Variants in GABRB1 observed in about 807,000 individuals in gnomAD.
GABRB1 encodes gamma-aminobutyric acid type A receptor subunit beta1.
In GABRB1, 17 loss-of-function variants were observed where a neutral mutation model predicts 51.6. That is an observed-to-expected ratio of 0.33 (90% CI 0.23 to 0.49). The LOEUF (loss-of-function observed/expected upper bound fraction) is 0.49. Ranked by LOEUF, GABRB1 falls within the 20% of genes least tolerant of loss-of-function variation. GABRB1 has a pLI of 0.99. For missense variants in GABRB1, 410 were observed against 600.6 expected (o/e 0.68, Z 3.32); for synonymous variants, 247 against 218.9 (o/e 1.13, Z -1.14).
intron 3 of GABRB1, among the ~76,000 whole-genome samples, chr4:47,072,184 G>A (rs556208155): frequency 1.6e-4 from 24 of 152,230 alleles, no homozygotes; most frequent in African/African-American, 5.5e-4. Context: ...TGACTCTCAA[G>A]TATATTTATT....
chr4:47,325,434 C>CA (rs5858063), intron 5 of GABRB1, among the ~76,000 whole-genome samples: 132,679 of 142,112 alleles, frequency 0.93, 62,091 homozygotes, highest in East Asian at 0.99. Flanking sequence ...GACTCCATCT[C>CA]AAAAAAAAAA....
intron 3 of GABRB1, among the ~76,000 whole-genome samples, chr4:47,134,556 C>A (rs1716558745): frequency 6.6e-6 from 1 of 151,954 alleles, no homozygotes; most frequent in African/African-American, 2.4e-5. Context: ...ATTTACTTTG[C>A]TAAACAATTG....
chr4:47,110,232 C>A (rs948339872), intron 3 of GABRB1, among the ~76,000 whole-genome samples: 1 of 152,022 alleles, frequency 6.6e-6, no homozygotes, highest in Non-Finnish European at 1.5e-5. Flanking sequence ...ATCATCCCAT[C>A]TTCCATCTTC....
chr4:47,032,069 A>G, intron 2 of GABRB1, 64 bp downstream of exon 2: 1 of 940,912 alleles, frequency 1.1e-6, no homozygotes, highest in Admixed American at 2.4e-5. Flanking sequence ...TCAAAGATAA[A>G]TGTCAAAAAA....
chr4:47,294,421 G>A (rs7699194), intron 4 of GABRB1, among the ~76,000 whole-genome samples: 26,842 of 152,210 alleles, frequency 0.18, 2,421 homozygotes, highest in Non-Finnish European at 0.2. Context: ...TGCTTTTGCC[G>A]ACAGGCTTAA....
At chr4:47,127,654 G>A (rs1272106192) in intron 3 of GABRB1, among the ~76,000 whole-genome samples, 2 of 151,562 alleles carry the variant, frequency 1.3e-5, no homozygotes, top group Non-Finnish European at 3.0e-5. Flanking sequence ...TTCTGCATGT[G>A]AACTACCTTA....
rs147731395 is a variant in GABRB1 at position 47,136,724 on chromosome 4, T to A, written c.241-24525T>A. Among the ~76,000 whole-genome samples the A allele has an allele frequency of 3.8e-3, 577 of 152,192 alleles. 10 individuals carry two copies. The highest frequency in any genetic ancestry group is 3.3e-3 in the East Asian group (17 of 5,170). On this transcript the variant is annotated intron_variant, in intron 3 of 8. Transcript: ENST00000295454. ...AGATGATACTATACTTTCAATAAAT[T>A]GTGGTCTCTGGGTTTCCACATAGCA...
chr4:47,315,076 T>C (rs1724835300), intron 4 of GABRB1, among the ~76,000 whole-genome samples: 1 of 151,654 alleles, frequency 6.6e-6, no homozygotes, highest in African/African-American at 2.4e-5. Context: ...CATTAGAATG[T>C]TGTTCATCAA....
intron 4 of GABRB1, among the ~76,000 whole-genome samples, chr4:47,259,180 C>T (rs1254715095): frequency 6.6e-6 from 1 of 152,006 alleles, no homozygotes; most frequent in Non-Finnish European, 1.5e-5. Context: ...TCTATGAATT[C>T]ACTTTCAGCC....
rs572139013 is a variant in GABRB1 at position 47,334,548 on chromosome 4, G to T, written c.544+14339G>T. 1.3e-5 allele frequency among the ~76,000 whole-genome samples: 2 copies of T among 152,066 alleles called. 1 individual carries two copies. Among genetic ancestry groups the T allele is most frequent in the African/African-American group, 4.8e-5 (2 of 41,482 alleles). On this transcript the variant is annotated intron_variant, in intron 5 of 8. Coordinates refer to ENST00000295454, the MANE Select transcript of GABRB1 (RefSeq NM_000812.4). ...TAGTATCATTAATACTCCTAAACCC[G>T]CATTAAAAATAATATTTGGGCAAAT...
At chr4:47,341,741 T>C (rs1725908725) in intron 5 of GABRB1, among the ~76,000 whole-genome samples, 2 of 152,228 alleles carry the variant, frequency 1.3e-5, no homozygotes, top group Admixed American at 1.3e-4. Flanking sequence ...TCTGGAAATA[T>C]TCCTTTCTTT....
rs1235374897 is a variant in GABRB1 at position 47,350,202 on chromosome 4, T to TAG, written c.544+29994_544+29995insGA. ...CTCAGATTATATATATATATATATATATATATATATATATATAGAGAGAGA... is the reference window on the plus strand; with the variant it reads ...CTCAGATTATATATATATATATATATAGATATATATATATATATAGAGAGAGA... On this transcript the variant is annotated intron_variant, in intron 5 of 8. Transcript: ENST00000295454. 2.3e-3 allele frequency among the ~76,000 whole-genome samples: 210 copies of TAG among 92,458 alleles called. 1 individual carries two copies. Among genetic ancestry groups the TAG allele is most frequent in the Non-Finnish European group, 3.3e-3 (157 of 47,794 alleles). 60.7% of individuals were successfully genotyped at this position (92,458 alleles called of 152,430 possible).
At chr4:47,358,453 T>G (rs1015624447) in intron 5 of GABRB1, among the ~76,000 whole-genome samples, 3 of 151,356 alleles carry the variant, frequency 2.0e-5, no homozygotes, top group Admixed American at 1.3e-4. Flanking sequence ...TTTAAGGAAA[T>G]CACTCATGTA....
At chr4:47,293,396 C>T (rs1004154235) in intron 4 of GABRB1, among the ~76,000 whole-genome samples, 1 of 152,168 alleles carries the variant, frequency 6.6e-6, no homozygotes, top group Admixed American at 6.5e-5. Flanking sequence ...ACCTCGGCCT[C>T]CCAAAGTGCT....
chr4:47,354,302 T>C (rs2110002153), intron 5 of GABRB1, among the ~76,000 whole-genome samples: 1 of 152,360 alleles, frequency 6.6e-6, no homozygotes, highest in African/African-American at 2.4e-5. Flanking sequence ...TATTTACTGT[T>C]CACGTTTTTA....
At chr4:47,220,171 A>G (rs756667876) in intron 4 of GABRB1, among the ~76,000 whole-genome samples, 9 of 151,936 alleles carry the variant, frequency 5.9e-5, no homozygotes, top group Non-Finnish European at 1.2e-4. Context: ...TTCTTTAGAT[A>G]ATAAATATTT....
intron 3 of GABRB1, among the ~76,000 whole-genome samples, chr4:47,041,498 A>G (rs780445327): frequency 7.2e-5 from 11 of 152,012 alleles, no homozygotes; most frequent in Non-Finnish European, 1.5e-5. Flanking sequence ...AGGTCTTCAG[A>G]TATATCAGGA....
chr4:47,138,469 G>A (rs930594037), intron 3 of GABRB1, among the ~76,000 whole-genome samples: 1 of 151,942 alleles, frequency 6.6e-6, no homozygotes, highest in African/African-American at 2.4e-5. Flanking sequence ...ACGAAGGCTG[G>A]GCATGTCCTG....
At chr4:47,276,284 TTGG>T (rs2109900248) in intron 4 of GABRB1, among the ~76,000 whole-genome samples, 1 of 152,232 alleles carries the variant, frequency 6.6e-6, no homozygotes, top group Non-Finnish European at 1.5e-5. Context: ...TTGCTTATAT[TTGG>T]TTGTCATAAT....
Sources: gnomAD v4.1 joint callset for allele counts (sites outside exome capture counted in the v4.1 genomes callset) on GRCh38, gnomAD v4.1.1 for gene constraint, MANE v1.5 for transcripts, NCBI Gene and HGNC (gene_info 2026-07-23, HGNC 2026-07-21) for gene names.